ANKRD18A: variants seen among roughly 807,000 people sequenced by gnomAD.
ANKRD18A encodes ankyrin repeat domain-containing protein 18A.
ANKRD18A carries 72 observed loss-of-function variants against 110.6 expected under a neutral mutation model. The ratio of observed to expected loss-of-function variants is 0.65; its 90% CI spans 0.54 to 0.79. The LOEUF is 0.79. ANKRD18A is among the 30% of genes least tolerant of loss of function. The pLI, the probability that ANKRD18A is intolerant of heterozygous loss-of-function variation, is 0.00. For missense variants in ANKRD18A, 934 were observed against 1,163.3 expected (o/e 0.80, Z 2.87); for synonymous variants, 305 against 410.3 (o/e 0.74, Z 3.10).
intron 6 of ANKRD18A, among the ~76,000 whole-genome samples, chr9:38,607,088 G>A (rs1327973778): frequency 1.3e-5 from 2 of 152,056 alleles, no homozygotes; most frequent in African/African-American, 4.8e-5. Context: ...ATAGAGTCTT[G>A]CTCTTCCATC....
intron 3 of ANKRD18A, 74 bp downstream of exon 3, chr9:38,615,520 A>C: frequency 1.4e-6 from 2 of 1,453,566 alleles, no homozygotes; most frequent in Non-Finnish European, 1.8e-6. Flanking sequence ...TTGAGTTCCA[A>C]ATATGAAAAA....
intron 12 of ANKRD18A, among the ~76,000 whole-genome samples, chr9:38,580,269 G>A (rs1824099640): frequency 6.6e-6 from 1 of 152,184 alleles, no homozygotes; most frequent in South Asian, 2.1e-4. Flanking sequence ...GTGCAATGGT[G>A]CACGCCCATA....
chr9:38,610,216 T>C, intron 5 of ANKRD18A, 57 bp downstream of exon 5: 1 of 1,455,706 alleles, frequency 6.9e-7, no homozygotes, highest in Non-Finnish European at 9.1e-7. Flanking sequence ...ATGCAATAGT[T>C]ACAATTATTT....
chr9:38,573,182 T>A (rs1362858697), intron 15 of ANKRD18A: 2 of 961,088 alleles, frequency 2.1e-6, no homozygotes, highest in African/African-American at 3.4e-5. Context: ...CAAGAAATAT[T>A]ATCATGAGAT....
downstream of ANKRD18A, chr9:38,571,165 C>A (rs1172351773): frequency 3.3e-6 from 5 of 1,534,250 alleles, no homozygotes; most frequent in Non-Finnish European, 3.5e-6. Context: ...GACTAGTGAG[C>A]GCATGATGGG....
downstream of ANKRD18A, chr9:38,567,808 C>G (rs992379409): frequency 6.6e-6 from 1 of 152,216 alleles, no homozygotes; most frequent in Non-Finnish European, 1.5e-5. Context: ...AAGAGCTGGC[C>G]ACCTTCTGAT....
chr9:38,583,679 C>T lies in ANKRD18A; in HGVS notation c.2247+2504G>A, dbSNP rs151177173. 9.6e-3 allele frequency among the ~76,000 whole-genome samples: 1,466 copies of T among 152,292 alleles called. 18 individuals are homozygous for T. Among genetic ancestry groups the T allele is most frequent in the Middle Eastern group, 0.024 (7 of 294 alleles). ...CTGGGATTACAGGTGTGAGCCAACA[C>T]ACCTGGCCTACAGCAGCATTATTAA... On this transcript the variant is annotated intron_variant, in intron 12 of 15. Transcript: ENST00000399703.
intron 9 of ANKRD18A, 84 bp downstream of exon 9, chr9:38,595,402 G>C: frequency 8.4e-7 from 1 of 1,189,998 alleles, no homozygotes; most frequent in Admixed American, 3.4e-5. Flanking sequence ...CTATTTATTT[G>C]TATATTGAAC....
At chr9:38,594,585 T>C (rs1195577050) in intron 9 of ANKRD18A, among the ~76,000 whole-genome samples, 1 of 152,190 alleles carries the variant, frequency 6.6e-6, no homozygotes, top group Admixed American at 6.6e-5. Context: ...AATTGTGATT[T>C]TATAACAAGT....
chr9:38,569,481 T>C (rs1449597605), downstream of ANKRD18A: 2 of 978,644 alleles, frequency 2.0e-6, no homozygotes, highest in East Asian at 2.3e-4. Flanking sequence ...TCACAGAGAC[T>C]GCTGCGTGTC....
intron 8 of ANKRD18A, among the ~76,000 whole-genome samples, chr9:38,598,065 A>T (rs943926622): frequency 6.6e-6 from 1 of 152,202 alleles, no homozygotes; most frequent in African/African-American, 2.4e-5. Flanking sequence ...CATTAAACAG[A>T]CTGGTTTGGC....
intron 10 of ANKRD18A, among the ~76,000 whole-genome samples, chr9:38,589,365 G>C (rs1189424773): frequency 2.0e-5 from 3 of 152,196 alleles, no homozygotes; most frequent in African/African-American, 7.2e-5. Flanking sequence ...ATAAACCAGT[G>C]CAAGTCTCTT....
chr9:38,613,443 A>T (rs1329034244), intron 3 of ANKRD18A, among the ~76,000 whole-genome samples: 1 of 151,984 alleles, frequency 6.6e-6, no homozygotes, highest in Non-Finnish European at 1.5e-5. Flanking sequence ...TGCATGTGGA[A>T]CTTTTTCTCT....
chr9:38,577,962 C>A lies in ANKRD18A; in HGVS notation c.2434G>T (p.Asp812Tyr), dbSNP rs1344053240. 8.8e-6 allele frequency: 14 copies of A among 1,584,644 alleles called. No individual in the cohort carries two copies. The highest frequency in any genetic ancestry group is 8.0e-5 in the South Asian group (7 of 87,926). The change falls in exon 13 of 16, where the codon GAT (aspartate) becomes TAT (tyrosine). Residue 812 changes from aspartate to tyrosine, a missense_variant. Physicochemically the swap from Asp to Tyr is radical, Grantham distance 160 (BLOSUM62 -3). Transcript: ENST00000399703. ...TGTAGTTTACCAAGTTCTACCATAT[C>A]TTTTTCCATATGTGTCTTAAGATTT... ...VLNLKTHMEK[D>Y]MVELGKLQEY...
Position 38,615,034 on chromosome 9 carries a change from C to T in ANKRD18A, c.495+560G>A, listed in dbSNP as rs889822408. 5.9e-5 allele frequency among the ~76,000 whole-genome samples: 9 copies of T among 152,152 alleles called. No homozygotes were observed. The East Asian group carries it at 9.6e-4, about 16-fold the overall frequency. The stretch of plus-strand genomic sequence containing the variant: ...AAATGATTACCCCAAAGCTGAAGAG[C>T]GCTTTGTCTCAATACATAAACTGGA... On this transcript the variant is annotated intron_variant, in intron 3 of 15. Transcript: ENST00000399703.
chr9:38,610,256 T>G lies in ANKRD18A; in HGVS notation c.740+17A>C. 6.6e-7 allele frequency: 1 copy of G among 1,506,946 alleles called. No homozygotes were observed. The highest frequency in any genetic ancestry group is 2.5e-5 in the East Asian group (1 of 40,424). The allele number at this position is 1,506,946 out of a possible 1,614,324, so 93.3% of individuals were successfully genotyped here. On this transcript the variant is annotated intron_variant, in intron 5 of 15. Coordinates refer to ENST00000399703, the MANE Select transcript of ANKRD18A (RefSeq NM_147195.4). Reference sequence around the variant, plus strand: ...CCTTAATTTAGTATTAACCGGTCTTTTAATATAAGCACATACCTTCTCAAA... The same window carrying G: ...CCTTAATTTAGTATTAACCGGTCTTGTAATATAAGCACATACCTTCTCAAA...
chr9:38,585,818 C>T (rs1019498742), intron 12 of ANKRD18A, among the ~76,000 whole-genome samples: 1 of 152,156 alleles, frequency 6.6e-6, no homozygotes. Flanking sequence ...TCATGGAATA[C>T]TATGGAGCCA....
chr9:38,616,630 T>A (rs75642975), intron 1 of ANKRD18A, among the ~76,000 whole-genome samples: 7 of 152,290 alleles, frequency 4.6e-5, no homozygotes, highest in African/African-American at 1.7e-4. Context: ...TTTTTAAATT[T>A]TTTTTTGTAG....
chr9:38,616,106 C>T (rs1368698807), intron 1 of ANKRD18A, 62 bp from the exon 2 acceptor site: 3 of 1,314,278 alleles, frequency 2.3e-6, no homozygotes, highest in African/African-American at 1.5e-5. Context: ...TACAATGGTC[C>T]ATGTCATTGT....
Sources: allele counts gnomAD v4.1 joint callset (sites outside exome capture counted in the v4.1 genomes callset), GRCh38; gene constraint gnomAD v4.1.1; transcripts MANE v1.5; gene names NCBI Gene and HGNC (gene_info 2026-07-23, HGNC 2026-07-21).